Variants in RSPRY1 observed in about 807,000 individuals in gnomAD.
RSPRY1 encodes the protein ring finger and SPRY domain containing 1.
Under a neutral mutation model 73.1 loss-of-function variants are expected in RSPRY1, and 23 were observed. That is an observed-to-expected ratio of 0.31 (90% CI 0.23 to 0.45). RSPRY1 has a LOEUF of 0.45. RSPRY1 is among the 20% of genes least tolerant of loss of function. RSPRY1 has a pLI of 1.00. For synonymous variants in RSPRY1, 226 were observed against 251.4 expected, an observed-to-expected ratio of 0.90 and a Z score of 0.95; for missense variants, 448 against 698.7, an observed-to-expected ratio of 0.64 and a Z score of 4.05.
intron 5 of RSPRY1, among the ~76,000 whole-genome samples, chr16:57,213,472 A>G (rs1318013720): frequency 6.6e-6 from 1 of 152,270 alleles, no homozygotes; most frequent in Non-Finnish European, 1.5e-5. Context: ...ATGAAGACAT[A>G]CAAGGTAGAG....
At chr16:57,213,162 C>G in intron 5 of RSPRY1, 64 bp downstream of exon 5, 1 of 1,500,496 alleles carries the variant, frequency 6.7e-7, no homozygotes, top group South Asian at 1.2e-5. Context: ...GAAATTTGTA[C>G]TGTATGTCTT....
intron 10 of RSPRY1, among the ~76,000 whole-genome samples, chr16:57,224,231 C>T (rs149366386): frequency 4.5e-4 from 69 of 152,316 alleles, no homozygotes; most frequent in African/African-American, 1.6e-3. Context: ...CTAACTATCC[C>T]TCTGTTTGGG....
intron 2 of RSPRY1, 73 bp downstream of exon 2, chr16:57,205,081 C>T: frequency 1.8e-6 from 2 of 1,140,272 alleles, no homozygotes; most frequent in East Asian, 2.6e-5. Flanking sequence ...TTTAGGACTC[C>T]TTCAGTTCCT....
intron 8 of RSPRY1, among the ~76,000 whole-genome samples, chr16:57,218,731 T>TAGG (rs1288947442): frequency 7.8e-5 from 8 of 102,408 alleles, no homozygotes; most frequent in East Asian, 3.3e-4. Context: ...TTTTTTTTTT[T>TAGG]TTTTTTTTTT....
intron 8 of RSPRY1, among the ~76,000 whole-genome samples, chr16:57,218,590 T>G (rs116974687): frequency 0.034 from 5,136 of 152,224 alleles, 292 homozygotes; most frequent in East Asian, 0.23. Context: ...ACACGAAGTT[T>G]GTCTTTCTGT....
At position 57,240,260 on chromosome 16, in the gene RSPRY1, T is replaced by C. The variant is rs1025207491; in HGVS notation, c.*1285T>C. On this transcript the variant is annotated 3_prime_UTR_variant, in exon 15 of 15. Transcript: ENST00000394420. The stretch of plus-strand genomic sequence containing the variant: ...TGTTTGTAGTTCATTATACCTGTCC[T>C]ATTACAGAACTGATTTCCTTCCTGG... 1 of 151,980 alleles carries C rather than the reference T, an allele frequency of 6.6e-6. No homozygotes were observed. Among genetic ancestry groups the C allele is most frequent in the Admixed American group, 6.6e-5 (1 of 15,248 alleles). The allele number at this position is 151,980 out of a possible 1,614,324, so 9.4% of individuals were successfully genotyped here.
At chr16:57,211,266 T>TAA (rs531084194) in intron 4 of RSPRY1, among the ~76,000 whole-genome samples, 1,850 of 133,838 alleles carry the variant, frequency 0.014, 14 homozygotes, top group South Asian at 0.024. Context: ...TTGTCTCTGT[T>TAA]AAAAAAAAAA....
rs2074692493 is a variant in RSPRY1, at chr16:57,204,793, C to T, written c.135C>T (p.Ile45=). 6.2e-7 allele frequency: 1 copy of T among 1,614,194 alleles called. No individual in the cohort carries two copies. ...GAATTMGNSC[I]CRDDSGTDDS... ...CTACTACCATGGGTAATTCCTGTAT[C>T]TGCCGAGATGACAGTGGAACAGATG... The change falls in exon 2 of 15, where the codon ATC becomes ATT. Residue 45 remains isoleucine, a synonymous_variant. Coordinates refer to ENST00000394420, the MANE Select transcript of RSPRY1 (RefSeq NM_133368.3).
chr16:57,238,077 T>A (rs1389605391), intron 14 of RSPRY1, among the ~76,000 whole-genome samples: 2 of 151,966 alleles, frequency 1.3e-5, no homozygotes, highest in African/African-American at 4.8e-5. Context: ...TAATTGAAGA[T>A]CCCTTTTACC....
At chr16:57,213,457 C>T (rs1255918865) in intron 5 of RSPRY1, among the ~76,000 whole-genome samples, 5 of 152,098 alleles carry the variant, frequency 3.3e-5, no homozygotes, top group Non-Finnish European at 7.4e-5. Context: ...AAGTTTAGCT[C>T]GATTATGAAG....
intron 8 of RSPRY1, among the ~76,000 whole-genome samples, chr16:57,217,675 A>G (rs2074963253): frequency 6.6e-6 from 1 of 152,186 alleles, no homozygotes; most frequent in African/African-American, 2.4e-5. Context: ...TCCTCCATTG[A>G]GCATTTCCTT....
rs192218064 is a variant in RSPRY1, at chr16:57,235,718, T to C, written c.1634+490T>C. 4.6e-5 allele frequency among the ~76,000 whole-genome samples: 7 copies of C among 152,342 alleles called. No individual in the cohort carries two copies. In the East Asian group the frequency reaches 1.4e-3, roughly 29 times the overall value. ...AGAAAGGAGAAGAGCAGTTGGGCAA[T>C]GTGGCGTCCTGGCCAGTCAATGTGT... On this transcript the variant is annotated intron_variant, in intron 14 of 14. Coordinates refer to ENST00000394420, the MANE Select transcript of RSPRY1 (RefSeq NM_133368.3).
upstream of RSPRY1, chr16:57,186,158 G>A (rs986719430): frequency 5.1e-6 from 5 of 985,624 alleles, no homozygotes; most frequent in Non-Finnish European, 6.0e-6. Context: ...GGCCATTCAC[G>A]CCTCAGGATG....
intron 9 of RSPRY1, 150 bp from the exon 10 acceptor site, chr16:57,221,122 C>T: frequency 1.0e-6 from 1 of 1,004,854 alleles, no homozygotes; most frequent in Non-Finnish European, 1.5e-6. Flanking sequence ...TGGTTTTGTA[C>T]TTTTTGTCAC....
At chr16:57,226,456 C>G (rs1397081898) in intron 10 of RSPRY1, among the ~76,000 whole-genome samples, 3 of 152,196 alleles carry the variant, frequency 2.0e-5, no homozygotes, top group African/African-American at 7.2e-5. Flanking sequence ...CGATTATATG[C>G]TAAACAGGGA....
At chr16:57,208,393 TATATA>T (rs1289772061) in intron 3 of RSPRY1, among the ~76,000 whole-genome samples, 99 of 106,782 alleles carry the variant, frequency 9.3e-4, no homozygotes, top group African/African-American at 3.9e-3. Flanking sequence ...TATATATATA[TATATA>T]TATTTTTTTT....
At chr16:57,188,473 T>C (rs528719082) in intron 1 of RSPRY1, among the ~76,000 whole-genome samples, 1 of 152,340 alleles carries the variant, frequency 6.6e-6, no homozygotes, top group East Asian at 1.9e-4. Flanking sequence ...GGGCAATTTA[T>C]ATGGGATTTT....
At chr16:57,238,743 AT>A (rs1389857329) in intron 14 of RSPRY1, 135 bp from the exon 15 acceptor site, 83 of 523,314 alleles carry the variant, frequency 1.6e-4, no homozygotes, top group Middle Eastern at 2.8e-4. Flanking sequence ...TTACATATTC[AT>A]TTTTTTTAAA....
At chr16:57,237,302 C>T (rs2075314490) in intron 14 of RSPRY1, among the ~76,000 whole-genome samples, 1 of 152,026 alleles carries the variant, frequency 6.6e-6, no homozygotes, top group African/African-American at 2.4e-5. Context: ...TGCCACCAGG[C>T]CCAGCTAATT....
Sources: allele counts gnomAD v4.1 joint callset (sites outside exome capture counted in the v4.1 genomes callset), GRCh38; gene constraint gnomAD v4.1.1; transcripts MANE v1.5; gene names NCBI Gene and HGNC (gene_info 2026-07-23, HGNC 2026-07-21).